PGAM5: variants seen among roughly 807,000 people sequenced by gnomAD.
The protein encoded by PGAM5 is serine/threonine-protein phosphatase PGAM5, mitochondrial.
Under a neutral mutation model 30.6 loss-of-function variants are expected in PGAM5, and 25 were observed. That is an observed-to-expected ratio of 0.82 (90% CI 0.60 to 1.14). The LOEUF (loss-of-function observed/expected upper bound fraction) is 1.14. Among genes scored for constraint, PGAM5 ranks in the 50% most tolerant of loss-of-function variants. The pLI is 0.00. For missense variants in PGAM5, 384 were observed against 408.5 expected (o/e 0.94, Z 0.52); for synonymous variants, 201 against 179.1 (o/e 1.12, Z -0.98).
intron 2 of PGAM5, among the ~76,000 whole-genome samples, chr12:132,716,827 C>T (rs1218193456): frequency 1.3e-5 from 2 of 152,236 alleles, no homozygotes; most frequent in East Asian, 1.9e-4. Flanking sequence ...CGCCGCCCCC[C>T]AGTCCCCAGA....
At chr12:132,719,401 G>A (rs560653162) in intron 5 of PGAM5, among the ~76,000 whole-genome samples, 5 of 152,338 alleles carry the variant, frequency 3.3e-5, no homozygotes, top group African/African-American at 4.8e-5. Context: ...GAGGATGTAC[G>A]GGCCGAGATT....
intron 5 of PGAM5, among the ~76,000 whole-genome samples, chr12:132,719,401 G>T (rs560653162): frequency 6.6e-6 from 1 of 152,220 alleles, no homozygotes; most frequent in Non-Finnish European, 1.5e-5. Context: ...GAGGATGTAC[G>T]GGCCGAGATT....
In PGAM5 at chr12:132,717,832, C is replaced by G. The variant is rs202045849; in HGVS notation, c.585+34C>G. 664 of 1,578,184 alleles carry G rather than the reference C, an allele frequency of 4.2e-4. 3 individuals carry two copies. In the African/African-American group the frequency reaches 8.1e-3, roughly 19 times the overall value. On this transcript the variant is annotated intron_variant, in intron 4 of 5. Coordinates refer to ENST00000498926, the MANE Select transcript of PGAM5 (RefSeq NM_001170543.2). The stretch of plus-strand genomic sequence containing the variant: ...CTCCCCGGGGGGCAGCTGTGTCACC[C>G]TCGCCTTCCCTGGGCAAAGCGGCCC...
At chr12:132,714,435 T>A (rs1414922841) in intron 1 of PGAM5, among the ~76,000 whole-genome samples, 1 of 152,244 alleles carries the variant, frequency 6.6e-6, no homozygotes, top group Non-Finnish European at 1.5e-5. Flanking sequence ...GGCATTGCAG[T>A]TCTAGGCTCT....
At chr12:132,715,143 C>A (rs1013378470) in intron 2 of PGAM5, 107 bp downstream of exon 2, 198 of 1,207,364 alleles carry the variant, frequency 1.6e-4, no homozygotes, top group Non-Finnish European at 2.2e-4. Flanking sequence ...CCGCCGACCC[C>A]CTTGGTCAGC....
At chr12:132,715,188 G>A in intron 2 of PGAM5, 152 bp downstream of exon 2, 1 of 706,910 alleles carries the variant, frequency 1.4e-6, no homozygotes, top group Non-Finnish European at 2.3e-6. Flanking sequence ...GGGCCTCCTG[G>A]GGCCCATGTC....
rs1306619974 is a variant in PGAM5, at chr12:132,719,062, A to G, written c.719+942A>G. On this transcript the variant is annotated intron_variant, in intron 5 of 5. Transcript: ENST00000498926. ...CTTCTTTAAGGAGCTCCAGGGCTGC[A>G]GCCACGTTAGAGGGCCCCTTGGGGG... The G allele has an allele frequency of 2.1e-6, 3 of 1,416,966 alleles. No homozygotes were observed. In the East Asian group the frequency reaches 7.8e-5, roughly 37 times the overall value. The allele number at this position is 1,416,966 out of a possible 1,614,324, so 87.8% of individuals were successfully genotyped here. A position where few individuals can be genotyped will look rare whatever the true frequency, so the allele number is the denominator to read the frequency against.
intron 2 of PGAM5, among the ~76,000 whole-genome samples, chr12:132,717,067 G>T (rs2043585198): frequency 6.6e-6 from 1 of 152,218 alleles, no homozygotes; most frequent in South Asian, 2.1e-4. Flanking sequence ...TCAGGTTTTG[G>T]ACACAGTTGA....
chr12:132,717,785 A>G lies in PGAM5; in HGVS notation c.572A>G (p.Lys191Arg), dbSNP rs117147264. ...CCAGACCCGCCCGTGTCTCATTGGA[A>G]GCCGGAAGCTGTGGTAAAAACCTCC... Reference protein sequence around the residue: ...IEPDPPVSHWKPEAVQYYEDG... With the variant: ...IEPDPPVSHWRPEAVQYYEDG... The change falls in exon 4 of 6, where the codon AAG (lysine) becomes AGG (arginine). Residue 191 changes from lysine (K) to arginine (R), a missense_variant. Lys to Arg is a conservative substitution (Grantham distance 26). Coordinates refer to ENST00000498926, the MANE Select transcript of PGAM5 (RefSeq NM_001170543.2). The G allele has an allele frequency of 0.042, 67,132 of 1,586,716 alleles. 2,064 individuals are homozygous for G. The highest frequency in any genetic ancestry group is 0.15 in the Admixed American group (8,424 of 55,840).
intron 2 of PGAM5, 84 bp from the exon 3 acceptor site, chr12:132,717,355 G>A: frequency 1.4e-6 from 2 of 1,430,398 alleles, no homozygotes; most frequent in Non-Finnish European, 1.9e-6. Flanking sequence ...GGTGGAGGAG[G>A]GCGTGTTTGC....
rs2136088981 is a variant in PGAM5 at position 132,720,762 on chromosome 12, C to T, written c.804C>T (p.Gly268=). The T allele has an allele frequency of 3.3e-6, 5 of 1,536,456 alleles. No individual in the cohort carries two copies. In the South Asian group the frequency reaches 5.9e-5, roughly 18 times the overall value. ...SITHLVIRPN[G]RVALRTLGDT... is the part of the protein sequence containing the mutation. ...CCCACCTGGTGATCCGACCCAACGG[C>T]CGAGTTGCGCTCAGGACCCTCGGGG... is the stretch of plus-strand genomic sequence containing the variant. The change falls in exon 6 of 6, where the codon GGC becomes GGT. Residue 268 remains glycine (G), a synonymous_variant. Coordinates refer to ENST00000498926, the MANE Select transcript of PGAM5 (RefSeq NM_001170543.2).
chr12:132,718,693 AATT>A, intron 5 of PGAM5: 1 of 1,541,816 alleles, frequency 6.5e-7, no homozygotes, highest in Admixed American at 1.7e-5. Flanking sequence ...TTCCCTTTGT[AATT>A]GAACGTCCTG....
At chr12:132,711,332 C>T in intron 1 of PGAM5, 2 of 255,650 alleles carry the variant, frequency 7.8e-6, no homozygotes, top group Non-Finnish European at 7.4e-6. Context: ...GCCCTGGGTG[C>T]CATCGCCGGA....
chr12:132,716,518 C>T (rs558534196), intron 2 of PGAM5, among the ~76,000 whole-genome samples: 139 of 152,248 alleles, frequency 9.1e-4, no homozygotes, highest in African/African-American at 3.2e-3. Flanking sequence ...TGTGAGCCAC[C>T]GCGCCCGGCC....
chr12:132,716,637 C>G lies in PGAM5; in HGVS notation c.371-802C>G, dbSNP rs74373741. Among the ~76,000 whole-genome samples the G allele has an allele frequency of 1.6e-4, 24 of 152,324 alleles. 2 individuals carry two copies. The East Asian group carries it at 4.6e-3, about 29-fold the overall frequency. On this transcript the variant is annotated intron_variant, in intron 2 of 5. Transcript: ENST00000498926. ...GACAGCGTCCAGGAGGGTCCTTCCACCTTGTCCTTGTGTCCCTGTGCAGGT... is the reference window on the plus strand; with the variant it reads ...GACAGCGTCCAGGAGGGTCCTTCCAGCTTGTCCTTGTGTCCCTGTGCAGGT...
rs1176263253 is a variant in PGAM5 at position 132,722,285 on chromosome 12, C to CT, written c.*1458dup. On this transcript the variant is annotated 3_prime_UTR_variant, in exon 6 of 6. Transcript: ENST00000498926. ...TTTTTTTTGGAGACGGAGTCTCGCT[C>CT]TGTCACCCAGGCTGGAGTGCAGTGG... The CT allele has an allele frequency of 2.1e-5, 3 of 145,740 alleles. No homozygotes were observed. Among genetic ancestry groups the CT allele is most frequent in the African/African-American group, 7.7e-5 (3 of 39,178 alleles). 9.0% of individuals were successfully genotyped at this position (145,740 alleles called of 1,614,324 possible). A position where few individuals can be genotyped will look rare whatever the true frequency, so the allele number is the denominator to read the frequency against.
At chr12:132,715,152 G>T in intron 2 of PGAM5, 116 bp downstream of exon 2, 2 of 1,160,260 alleles carry the variant, frequency 1.7e-6, no homozygotes, top group Non-Finnish European at 1.2e-6. Context: ...CCCTTGGTCA[G>T]CTTTCTTGAA....
chr12:132,711,082 G>A lies in PGAM5; in HGVS notation c.191+15G>A. 8.3e-7 allele frequency: 1 copy of A among 1,208,302 alleles called. No homozygotes were observed. Among genetic ancestry groups the A allele is most frequent in the Non-Finnish European group, 1.0e-6 (1 of 972,184 alleles). The allele number at this position is 1,208,302 out of a possible 1,614,324, so 74.8% of individuals were successfully genotyped here. ...AACTGGGACAGGTGCGCGCGGGGCT[G>A]TTTGGGGCCGGGGTCGGGATGGGGG... On this transcript the variant is annotated intron_variant, in intron 1 of 5. Transcript: ENST00000498926.
At chr12:132,713,496 C>CA (rs1026208149) in intron 1 of PGAM5, among the ~76,000 whole-genome samples, 1 of 152,134 alleles carries the variant, frequency 6.6e-6, no homozygotes, top group African/African-American at 2.4e-5. Context: ...CTGACTCCCC[C>CA]ATACCTGCCA....
Sources: gnomAD v4.1 joint callset for allele counts (sites outside exome capture counted in the v4.1 genomes callset) on GRCh38, gnomAD v4.1.1 for gene constraint, MANE v1.5 for transcripts, NCBI Gene and HGNC (gene_info 2026-07-23, HGNC 2026-07-21) for gene names.